The following SYNPO2 variants were observed in gnomAD, a reference collection of about 807,000 sequenced individuals.
The protein encoded by SYNPO2 is synaptopodin-2.
Under a neutral mutation model 85.0 loss-of-function variants are expected in SYNPO2, and 56 were observed. The observed-to-expected ratio is 0.66, with a 90% CI of 0.53 to 0.82. The LOEUF is 0.82. SYNPO2 is among the 40% of genes least tolerant of loss of function. The probability of loss-of-function intolerance (pLI) is 0.00; values close to 1 mark genes in which losing one functional copy is unlikely to be tolerated. For missense variants in SYNPO2, 1,575 were observed against 1,534.2 expected, an observed-to-expected ratio of 1.03 and a Z score of -0.44; for synonymous variants, 602 against 591.1, an observed-to-expected ratio of 1.02 and a Z score of -0.27.
Position 118,904,096 on chromosome 4 carries a change from T to G in SYNPO2, c.105+14955T>G, listed in dbSNP as rs369529342. On this transcript the variant is annotated intron_variant, in intron 1 of 4. Coordinates refer to ENST00000307142, the MANE Select transcript of SYNPO2 (RefSeq NM_133477.3). Reference sequence around the variant, plus strand: ...TCTGTTGAGCTCTATTTAGAGCAAATGGACTTTCAATATATTAGTCTTTGT... The same window carrying G: ...TCTGTTGAGCTCTATTTAGAGCAAAGGGACTTTCAATATATTAGTCTTTGT... Among the ~76,000 whole-genome samples the G allele has an allele frequency of 1.1e-4, 17 of 151,904 alleles. 1 individual carries two copies. The highest frequency in any genetic ancestry group is 4.6e-4 in the Admixed American group (7 of 15,288).
chr4:119,048,315 A>T (rs1215295357), intron 4 of SYNPO2, among the ~76,000 whole-genome samples: 1 of 152,212 alleles, frequency 6.6e-6, no homozygotes, highest in African/African-American at 2.4e-5. Context: ...TCTGGTGAAG[A>T]TAACCACATT....
chr4:118,884,394 A>G (rs1732163641), upstream of SYNPO2, among the ~76,000 whole-genome samples: 1 of 152,244 alleles, frequency 6.6e-6, no homozygotes, highest in African/African-American at 2.4e-5. Flanking sequence ...ACGGCAATCC[A>G]GAGAAGTCTT....
At chr4:119,021,827 T>G (rs1007850070) in intron 1 of SYNPO2, among the ~76,000 whole-genome samples, 6 of 152,290 alleles carry the variant, frequency 3.9e-5, no homozygotes, top group Middle Eastern at 3.4e-3. Flanking sequence ...AGGGGCAGGC[T>G]GACAGGAGCT....
intron 1 of SYNPO2, among the ~76,000 whole-genome samples, chr4:118,935,155 T>C (rs1010725869): frequency 2.6e-5 from 4 of 152,156 alleles, no homozygotes; most frequent in Non-Finnish European, 5.9e-5. Flanking sequence ...CACAATTCCA[T>C]GATACGGACA....
At chr4:118,851,693 CAG>C (rs1390208987) in intron 1 of SYNPO2, among the ~76,000 whole-genome samples, 4 of 152,168 alleles carry the variant, frequency 2.6e-5, no homozygotes, top group Admixed American at 6.5e-5. Context: ...TTTTTTAAAA[CAG>C]AAAAATGTAG....
intron 1 of SYNPO2, among the ~76,000 whole-genome samples, chr4:118,860,368 T>C (rs1731587415): frequency 6.6e-6 from 1 of 151,800 alleles, no homozygotes; most frequent in Admixed American, 6.6e-5. Flanking sequence ...CTCAGCCTCC[T>C]GAATAGCTGG....
At chr4:118,855,973 T>C (rs952311597) in intron 1 of SYNPO2, among the ~76,000 whole-genome samples, 9 of 152,320 alleles carry the variant, frequency 5.9e-5, no homozygotes, top group African/African-American at 2.2e-4. Context: ...CTTGGCAGTG[T>C]TTCATAAGCA....
In SYNPO2 at chr4:119,057,614, A is replaced by G. The variant is rs1249272308; in HGVS notation, c.3466A>G (p.Ile1156Val). The G allele has an allele frequency of 6.2e-7, 1 of 1,613,988 alleles. No individual in the cohort carries two copies. The highest frequency in any genetic ancestry group is 8.5e-7 in the Non-Finnish European group (1 of 1,180,028). Residue 1156 changes from isoleucine to valine, a missense_variant, in exon 5 of 5, where the codon ATT becomes GTT. This residue lies in a region of SYNPO2 where 1,508 missense variants were observed against 1,446.8 expected (regional missense o/e 1.04). Transcript: ENST00000307142. Reference protein sequence around the residue: ...AFQPRNIQESIVANVVSAARR... With the variant: ...AFQPRNIQESVVANVVSAARR... ...CCAACCCAGAAACATCCAGGAATCC[A>G]TTGTGGCAAATGTGGTTTCAGCAGC...
intron 4 of SYNPO2, among the ~76,000 whole-genome samples, chr4:119,040,717 G>A (rs950732039): frequency 1.3e-5 from 2 of 152,172 alleles, no homozygotes; most frequent in Non-Finnish European, 2.9e-5. Context: ...GAGTAACCTG[G>A]TAGCATAGTT....
chr4:119,036,050 G>A lies in SYNPO2; in HGVS notation c.3252+4023G>A, dbSNP rs981821797. On this transcript the variant is annotated intron_variant, in intron 4 of 4. Coordinates refer to ENST00000307142, the MANE Select transcript of SYNPO2 (RefSeq NM_133477.3). ...TTAATTTCTCAAATAAAGGCCCTTG[G>A]CTGCGTATCATTTCATCCAGTTATA... 3.0e-6 allele frequency: 3 copies of A among 985,196 alleles called. No homozygotes were observed. In the African/African-American group the frequency reaches 5.2e-5, roughly 17 times the overall value. 61.0% of individuals were successfully genotyped at this position (985,196 alleles called of 1,614,324 possible). A position where few individuals can be genotyped will look rare whatever the true frequency, so the allele number is the denominator to read the frequency against.
chr4:118,934,451 A>G (rs943870347), intron 1 of SYNPO2, among the ~76,000 whole-genome samples: 6 of 152,182 alleles, frequency 3.9e-5, no homozygotes, highest in Non-Finnish European at 5.9e-5. Context: ...GGAAGAAAGC[A>G]TATTAGTCCC....
chr4:118,923,412 GA>G (rs1454211851), intron 1 of SYNPO2, among the ~76,000 whole-genome samples: 1 of 152,008 alleles, frequency 6.6e-6, no homozygotes, highest in Non-Finnish European at 1.5e-5. Context: ...TTGGGGAGGA[GA>G]GAGAGAATCA....
At chr4:118,907,811 T>C (rs1358411880) in intron 1 of SYNPO2, among the ~76,000 whole-genome samples, 4 of 152,184 alleles carry the variant, frequency 2.6e-5, no homozygotes, top group Non-Finnish European at 5.9e-5. Flanking sequence ...TATTAACACT[T>C]TGGGGAGAAA....
At chr4:119,040,893 C>G (rs1206299698) in intron 4 of SYNPO2, among the ~76,000 whole-genome samples, 3 of 152,198 alleles carry the variant, frequency 2.0e-5, no homozygotes, top group Non-Finnish European at 1.5e-5. Flanking sequence ...GGTCAGCAAC[C>G]TGGCCTTTTT....
chr4:119,010,945 C>T (rs1255141085), intron 1 of SYNPO2, among the ~76,000 whole-genome samples: 1 of 152,234 alleles, frequency 6.6e-6, no homozygotes, highest in Non-Finnish European at 1.5e-5. Flanking sequence ...CCTGCCTCTG[C>T]AAGGCTCTCC....
At chr4:118,956,189 G>A (rs568377741) in intron 1 of SYNPO2, among the ~76,000 whole-genome samples, 1 of 152,244 alleles carries the variant, frequency 6.6e-6, no homozygotes. Context: ...TCATAAATAA[G>A]AACTGATTTT....
intron 4 of SYNPO2, chr4:119,035,021 A>G: frequency 1.0e-6 from 1 of 985,474 alleles, no homozygotes; most frequent in Non-Finnish European, 1.2e-6. Flanking sequence ...AGCATCCACG[A>G]AGTCGGTTTT....
chr4:118,945,596 A>G (rs1216787387), intron 1 of SYNPO2, among the ~76,000 whole-genome samples: 1 of 152,182 alleles, frequency 6.6e-6, no homozygotes, highest in Non-Finnish European at 1.5e-5. Context: ...ATTGCCCTAT[A>G]TATTTATTTT....
In SYNPO2 at chr4:118,977,186, G is replaced by C. The variant is rs537042393; in HGVS notation, c.106-46244G>C. ...GGCATGGCGGGCTGCAGGTCCCAAG[G>C]CCTGCCCCGTGGGAAGGCAGCTAAG... On this transcript the variant is annotated intron_variant, in intron 1 of 4. Transcript: ENST00000307142. Among the ~76,000 whole-genome samples the C allele has an allele frequency of 7.1e-3, 1,081 of 152,120 alleles. 6 individuals are homozygous for C. Among genetic ancestry groups the C allele is most frequent in the African/African-American group, 0.013 (524 of 41,550 alleles).
Sources: gnomAD v4.1 joint callset for allele counts (sites outside exome capture counted in the v4.1 genomes callset) on GRCh38, gnomAD v4.1.1 for gene constraint, gnomAD v4.1.1 regional missense constraint, MANE v1.5 for transcripts, NCBI Gene and HGNC (gene_info 2026-07-23, HGNC 2026-07-21) for gene names.